AGAP4: variants seen among roughly 807,000 people sequenced by gnomAD.
AGAP4 encodes the protein ArfGAP with GTPase domain, ankyrin repeat and PH domain 4.
Under a neutral mutation model 60.7 loss-of-function variants are expected in AGAP4, and 13 were observed. The observed-to-expected ratio is 0.21, with a 90% confidence interval of 0.14 to 0.34. The LOEUF (loss-of-function observed/expected upper bound fraction) is 0.34, where lower values mean the gene tolerates loss of function less well. AGAP4 is among the 10% of genes least tolerant of loss of function. The pLI, the probability that AGAP4 is intolerant of heterozygous loss-of-function variation, is 1.00. For synonymous variants in AGAP4, 70 were observed against 339.0 expected, an observed-to-expected ratio of 0.21 and a Z score of 8.72; for missense variants, 169 against 884.0, an observed-to-expected ratio of 0.19 and a Z score of 10.26.
At chr10:45,844,250 T>G in intron 3 of AGAP4, 76 bp downstream of exon 3, 1 of 1,567,234 alleles carries the variant, frequency 6.4e-7, no homozygotes, top group Non-Finnish European at 8.6e-7. Flanking sequence ...TATGAGTTTT[T>G]CTAAATACTT....
In AGAP4 at chr10:45,847,409, C is replaced by T. The variant is rs1297087300; in HGVS notation, c.-62G>A. On this transcript the variant is annotated 5_prime_UTR_variant, in exon 1 of 8. Transcript: ENST00000616763. ...GCTCACAGCTTTGGCCACGCACTCCCGCTGTCCTAGGCCGAGGCTATGCTG... is the reference window on the plus strand; with the variant it reads ...GCTCACAGCTTTGGCCACGCACTCCTGCTGTCCTAGGCCGAGGCTATGCTG... 1,136 of 1,552,900 alleles carry T rather than the reference C, an allele frequency of 7.3e-4. 9 individuals are homozygous for T. In the South Asian group the frequency reaches 0.011, roughly 16 times the overall value.
At chr10:45,853,912 T>A (rs2059111613), upstream of AGAP4, 2 of 1,186,054 alleles carry the variant, frequency 1.7e-6, no homozygotes, top group Non-Finnish European at 2.1e-6. Flanking sequence ...CAGGCAGCAG[T>A]AGTTGTTATC....
chr10:45,852,217 T>TAAAAAAAAAAAAAAA (rs781889843), upstream of AGAP4, among the ~76,000 whole-genome samples: 94 of 91,698 alleles, frequency 1.0e-3, 1 homozygote, highest in African/African-American at 4.9e-3. Flanking sequence ...GGCCAGACTT[T>TAAAAAAAAAAAAAAA]AAAAAAAAAA....
At position 45,828,056 on chromosome 10, in the gene AGAP4, T is replaced by C; in HGVS notation, c.558A>G (p.Ile186Met). The change falls in exon 7 of 8, where the codon ATA (isoleucine) becomes ATG (methionine). Residue 186 changes from isoleucine to methionine, a missense_variant. Transcript: ENST00000616763. Reference protein sequence around the residue: ...TQRDADRSLSIPDEQLHSFAV... With the variant: ...TQRDADRSLSMPDEQLHSFAV... ...CAAATGAGTGTAACTGTTCATCAGGTATGCTCAAAGATCTATCTGCATCTC... is the reference window on the plus strand; with the variant it reads ...CAAATGAGTGTAACTGTTCATCAGGCATGCTCAAAGATCTATCTGCATCTC... 1 of 603,938 alleles carries C rather than the reference T, an allele frequency of 1.7e-6. No homozygotes were observed. Among genetic ancestry groups the C allele is most frequent in the East Asian group, 2.7e-5 (1 of 36,418 alleles). 37.4% of individuals were successfully genotyped at this position (603,938 alleles called of 1,614,324 possible). A position where few individuals can be genotyped will look rare whatever the true frequency, so the allele number is the denominator to read the frequency against.
chr10:45,844,315 T>G lies in AGAP4; in HGVS notation c.361+11A>C. On this transcript the variant is annotated intron_variant, in intron 3 of 7. Transcript: ENST00000616763. Reference sequence around the variant, plus strand: ...TTCTTTCTCTTGGTGGAAAAAACAATGTCGTCTCACCATCTGTTTGAGAGT... The same window carrying G: ...TTCTTTCTCTTGGTGGAAAAAACAAGGTCGTCTCACCATCTGTTTGAGAGT... The G allele has an allele frequency of 6.3e-7, 1 of 1,594,286 alleles. No individual in the cohort carries two copies. The highest frequency in any genetic ancestry group is 1.7e-5 in the Admixed American group (1 of 59,842).
At chr10:45,838,341 C>T (rs1206074570) in intron 4 of AGAP4, among the ~76,000 whole-genome samples, 13,830 of 98,922 alleles carry the variant, frequency 0.14, 2 homozygotes, top group Admixed American at 0.15. Flanking sequence ...TTGGGTTCAG[C>T]GGATACTGCT....
At chr10:45,842,411 G>GT (rs1300238938) in intron 3 of AGAP4, among the ~76,000 whole-genome samples, 1 of 149,964 alleles carries the variant, frequency 6.7e-6, no homozygotes, top group Non-Finnish European at 1.5e-5. Context: ...CTAGCTAATT[G>GT]TTTTTTGTAT....
chr10:45,832,329 C>T (rs2058746905), intron 5 of AGAP4, among the ~76,000 whole-genome samples: 1 of 148,856 alleles, frequency 6.7e-6, no homozygotes, highest in African/African-American at 2.5e-5. Context: ...GGGAAACAGA[C>T]CTTAAAACTG....
chr10:45,849,814 AT>A (rs1266373027), upstream of AGAP4, among the ~76,000 whole-genome samples: 10 of 150,362 alleles, frequency 6.7e-5, 1 homozygote, highest in African/African-American at 9.8e-5. Context: ...CTAATTTTGT[AT>A]TTTTAGTAGA....
chr10:45,846,714 T>C lies in AGAP4; in HGVS notation c.265A>G (p.Ile89Val). The C allele has an allele frequency of 7.7e-6, 10 of 1,296,654 alleles. No homozygotes were observed. Among genetic ancestry groups the C allele is most frequent in the Non-Finnish European group, 1.0e-5 (10 of 969,126 alleles). 80.3% of individuals were successfully genotyped at this position (1,296,654 alleles called of 1,614,324 possible). A position where few individuals can be genotyped will look rare whatever the true frequency, so the allele number is the denominator to read the frequency against. Residue 89 changes from isoleucine (I) to valine (V), a missense_variant, in exon 2 of 8, where the codon ATA becomes GTA. Transcript: ENST00000616763. ...TCTGTTTGAGAGTTCCTCTGGAATA[T>C]TGTGCTTGCCTCTGGATTGGCAGAA... ...NLSANPEASTIFQRNSQTDAL... is the reference protein window; with the variant it reads ...NLSANPEASTVFQRNSQTDAL...
At position 45,826,432 on chromosome 10, in the gene AGAP4, C is replaced by A; in HGVS notation, c.1544G>T (p.Arg515Leu). 3 of 1,604,688 alleles carry A rather than the reference C, an allele frequency of 1.9e-6. No individual in the cohort carries two copies. Among genetic ancestry groups the A allele is most frequent in the Non-Finnish European group, 2.6e-6 (3 of 1,175,284 alleles). ...GTCATCCAGCTCCAGAGATCGCACA[C>A]GGGAAAGGCGGGTGCCAAGACTGCG... ...IHRSLGTRLSRVRSLELDDWP... is the reference protein window; with the variant it reads ...IHRSLGTRLSLVRSLELDDWP... The change falls in exon 8 of 8, where the codon CGT becomes CTT. Residue 515 changes from arginine to leucine, a missense_variant. Physicochemically the swap from Arg to Leu is moderately radical, Grantham distance 102 (BLOSUM62 -2). Transcript: ENST00000616763.
upstream of AGAP4, among the ~76,000 whole-genome samples, chr10:45,852,158 C>T (rs1334936275): frequency 2.0e-5 from 3 of 149,668 alleles, 1 homozygote; most frequent in African/African-American, 7.5e-5. Context: ...GTGATCTGCC[C>T]GCCTCGGCCT....
chr10:45,847,119 C>A lies in AGAP4; in HGVS notation c.223+6G>T, dbSNP rs1344871907. ...CGAGGGTAGATGGCACCTATCACCT[C>A]CTCACCTTCAGGCATCTCCCGGTCA... is the stretch of plus-strand genomic sequence containing the variant. On this transcript the variant is annotated splice_donor_region_variant and intron_variant, in intron 1 of 7. Transcript: ENST00000616763. 8 of 1,597,578 alleles carry A rather than the reference C, an allele frequency of 5.0e-6. No individual in the cohort carries two copies. In the East Asian group the frequency reaches 1.3e-4, roughly 27 times the overall value.
At chr10:45,850,104 A>G (rs2059065328), upstream of AGAP4, among the ~76,000 whole-genome samples, 1 of 133,210 alleles carries the variant, frequency 7.5e-6, no homozygotes, top group African/African-American at 2.8e-5. Context: ...TAATGTTTGT[A>G]TTTTAGTAGA....
At chr10:45,828,716 G>A (rs1554896725) in intron 6 of AGAP4, among the ~76,000 whole-genome samples, 2 of 46,212 alleles carry the variant, frequency 4.3e-5, no homozygotes, top group East Asian at 6.7e-4. Flanking sequence ...TTTTTTTTGA[G>A]ACCAAGTTTT....
At chr10:45,843,475 A>C (rs1170781623) in intron 3 of AGAP4, among the ~76,000 whole-genome samples, 6 of 135,874 alleles carry the variant, frequency 4.4e-5, no homozygotes, top group African/African-American at 1.8e-4. Context: ...GAGCCAATTA[A>C]ACCTCTTTTT....
At chr10:45,852,044 C>T (rs1181482451), upstream of AGAP4, among the ~76,000 whole-genome samples, 1 of 147,768 alleles carries the variant, frequency 6.8e-6, no homozygotes, top group Admixed American at 6.7e-5. Flanking sequence ...TCCTGATTAG[C>T]TGGGACTACA....
exon 1 of AGAP4, chr10:45,853,722 T>C (rs2059110407): frequency 1.6e-6 from 2 of 1,287,864 alleles, no homozygotes; most frequent in Non-Finnish European, 2.0e-6. Flanking sequence ...TGGGCAGAGA[T>C]CACAGCAGCA....
chr10:45,843,934 G>C (rs1422424853), intron 3 of AGAP4, among the ~76,000 whole-genome samples: 6 of 149,954 alleles, frequency 4.0e-5, no homozygotes, highest in Middle Eastern at 3.4e-3. Context: ...TTTTTAATTT[G>C]TTTAAATGAA....
Sources: allele counts gnomAD v4.1 joint callset (sites outside exome capture counted in the v4.1 genomes callset), GRCh38; gene constraint gnomAD v4.1.1; transcripts MANE v1.5; gene names NCBI Gene and HGNC (gene_info 2026-07-23, HGNC 2026-07-21).